ABCA13: variants seen among roughly 807,000 people sequenced by gnomAD.
ABCA13 encodes ATP binding cassette subfamily A member 13.
A neutral mutation model predicts 478.7 loss-of-function variants in ABCA13; 476 were observed. The ratio of observed to expected loss-of-function variants is 0.99; its 90% CI spans 0.92 to 1.07. The LOEUF is 1.07. Ranked by LOEUF, ABCA13 falls within the 50% of genes least tolerant of loss-of-function variation. The probability of loss-of-function intolerance (pLI) is 0.00; values close to 1 mark genes in which losing one functional copy is unlikely to be tolerated. For missense variants in ABCA13, 6,060 were observed against 5,910.6 expected, an observed-to-expected ratio of 1.03 and a Z score of -0.83; for synonymous variants, 2,252 against 2,158.9, an observed-to-expected ratio of 1.04 and a Z score of -1.20.
intron 57 of ABCA13, among the ~76,000 whole-genome samples, chr7:48,590,098 G>C (rs67294077): frequency 1.3e-5 from 2 of 151,836 alleles, no homozygotes; most frequent in East Asian, 3.9e-4. Context: ...CCACAGCCTG[G>C]CACCTTTCTA....
intron 59 of ABCA13, among the ~76,000 whole-genome samples, chr7:48,618,574 G>A (rs2131582384): frequency 1.3e-5 from 2 of 152,330 alleles, no homozygotes; most frequent in Admixed American, 1.3e-4. Flanking sequence ...CATCAGGTCA[G>A]CCAGGAGGCA....
chr7:48,202,006 G>T (rs1046421314), intron 3 of ABCA13, among the ~76,000 whole-genome samples: 2 of 151,836 alleles, frequency 1.3e-5, no homozygotes, highest in African/African-American at 2.4e-5. Flanking sequence ...GGAGTTGTTT[G>T]TTCCTCCCGG....
At chr7:48,215,127 A>ATAC (rs1475856137) in intron 3 of ABCA13, among the ~76,000 whole-genome samples, 1 of 152,146 alleles carries the variant, frequency 6.6e-6, no homozygotes, top group Admixed American at 6.6e-5. Flanking sequence ...AATAATAATA[A>ATAC]TAATAATTCT....
intron 48 of ABCA13, 23 bp downstream of exon 48, chr7:48,489,367 G>A (rs923424701): frequency 2.6e-6 from 4 of 1,524,224 alleles, no homozygotes; most frequent in Non-Finnish European, 3.6e-6. Context: ...TTCATGCATT[G>A]TAATTCACTA....
intron 19 of ABCA13, among the ~76,000 whole-genome samples, chr7:48,283,697 C>A (rs1036444591): frequency 4.6e-5 from 7 of 152,180 alleles, no homozygotes; most frequent in Admixed American, 3.3e-4. Context: ...GTCTGTAAGG[C>A]TGCCTCCTTA....
chr7:48,431,390 A>C (rs2129143857), intron 42 of ABCA13, among the ~76,000 whole-genome samples: 2 of 138,862 alleles, frequency 1.4e-5, no homozygotes, highest in Middle Eastern at 7.4e-3. Flanking sequence ...ACAACAACAA[A>C]TCTCTTTTCA....
intron 55 of ABCA13, among the ~76,000 whole-genome samples, chr7:48,562,387 G>A (rs1385392225): frequency 6.6e-6 from 1 of 152,010 alleles, no homozygotes; most frequent in African/African-American, 2.4e-5. Context: ...CTTTGGTTTT[G>A]AATAATAAAT....
At chr7:48,219,627 T>A in intron 4 of ABCA13, 122 bp downstream of exon 4, 1 of 1,291,972 alleles carries the variant, frequency 7.7e-7, no homozygotes, top group Non-Finnish European at 1.1e-6. Context: ...ACTTTCATAG[T>A]GAGTCTTTGA....
At chr7:48,345,985 C>G (rs1808025142) in intron 29 of ABCA13, among the ~76,000 whole-genome samples, 6 of 152,098 alleles carry the variant, frequency 3.9e-5, no homozygotes, top group Admixed American at 3.9e-4. Context: ...AAATCCTTAC[C>G]ATCGTGTTAC....
chr7:48,296,425 A>T (rs1027511436), intron 21 of ABCA13, among the ~76,000 whole-genome samples: 1 of 150,944 alleles, frequency 6.6e-6, no homozygotes, highest in Non-Finnish European at 1.5e-5. Context: ...AAATGAATAA[A>T]TTTCTGTTTG....
chr7:48,333,360 G>T (rs1388505162), intron 27 of ABCA13, among the ~76,000 whole-genome samples: 1 of 152,162 alleles, frequency 6.6e-6, no homozygotes, highest in East Asian at 1.9e-4. Context: ...AAGACAATTT[G>T]TAATTGCTTG....
At chr7:48,427,510 C>T (rs1420262347) in intron 41 of ABCA13, among the ~76,000 whole-genome samples, 1 of 152,192 alleles carries the variant, frequency 6.6e-6, no homozygotes, top group Non-Finnish European at 1.5e-5. Context: ...ATGCATTTGA[C>T]CAGCCTCCAC....
At chr7:48,526,074 A>G (rs1832873415) in intron 54 of ABCA13, among the ~76,000 whole-genome samples, 1 of 152,136 alleles carries the variant, frequency 6.6e-6, no homozygotes, top group African/African-American at 2.4e-5. Context: ...CAGTCAAACA[A>G]GGTAGGACAG....
At chr7:48,241,841 TCA>T (rs1790878184) in intron 10 of ABCA13, among the ~76,000 whole-genome samples, 1 of 152,234 alleles carries the variant, frequency 6.6e-6, no homozygotes. Context: ...TCCAGTTCTT[TCA>T]CATTTTCTGG....
At chr7:48,607,456 C>T (rs1054968388) in intron 58 of ABCA13, among the ~76,000 whole-genome samples, 11 of 152,218 alleles carry the variant, frequency 7.2e-5, no homozygotes, top group African/African-American at 2.7e-4. Context: ...GTCGATCTCT[C>T]TGGGTGCTGC....
intron 27 of ABCA13, among the ~76,000 whole-genome samples, chr7:48,323,833 G>A (rs1042553983): frequency 6.6e-6 from 1 of 152,096 alleles, no homozygotes; most frequent in African/African-American, 2.4e-5. Context: ...CTGAATCACC[G>A]GGGCAGTTTT....
chr7:48,458,005 G>A (rs1042393336), intron 43 of ABCA13, among the ~76,000 whole-genome samples: 32 of 152,084 alleles, frequency 2.1e-4, no homozygotes, highest in Admixed American at 1.9e-3. Context: ...ATCATTTTAT[G>A]GGTGCTATAA....
chr7:48,622,461 G>A (rs1459013078), intron 59 of ABCA13, among the ~76,000 whole-genome samples: 1 of 152,102 alleles, frequency 6.6e-6, no homozygotes, highest in Non-Finnish European at 1.5e-5. Flanking sequence ...CCCTGGCAAA[G>A]GAAAATTTAC....
rs112792258 is a variant in ABCA13 at position 48,553,861 on chromosome 7, G to A, written c.14354+25516G>A. 6.2e-3 allele frequency among the ~76,000 whole-genome samples: 943 copies of A among 151,968 alleles called. 10 individuals are homozygous for A. The highest frequency in any genetic ancestry group is 0.022 in the African/African-American group (898 of 41,512). The stretch of plus-strand genomic sequence containing the variant: ...TTGCTTTGGATCACTTGTGTTCGTG[G>A]GGTATTACTCAAGAAATTTTTGCCC... On this transcript the variant is annotated intron_variant, in intron 55 of 61. Coordinates refer to ENST00000435803, the MANE Select transcript of ABCA13 (RefSeq NM_152701.5).
Sources: gnomAD v4.1 joint callset for allele counts (sites outside exome capture counted in the v4.1 genomes callset) on GRCh38, gnomAD v4.1.1 for gene constraint, MANE v1.5 for transcripts, NCBI Gene and HGNC (gene_info 2026-07-23, HGNC 2026-07-21) for gene names.